Variants in PTPN3 observed in about 807,000 individuals in gnomAD.
PTPN3 encodes protein tyrosine phosphatase non-receptor type 3.
Under a neutral mutation model 132.7 loss-of-function variants are expected in PTPN3, and 96 were observed. That is an observed-to-expected ratio of 0.72 (90% CI 0.61 to 0.86). PTPN3 has a LOEUF of 0.86. Among genes scored for constraint, PTPN3 ranks in the 40% least tolerant of loss-of-function variants. PTPN3 has a pLI of 0.00. For synonymous variants in PTPN3, 398 were observed against 429.0 expected (o/e 0.93, Z 0.89); for missense variants, 1,125 against 1,159.6 (o/e 0.97, Z 0.43).
At chr9:109,446,209 C>T (rs1409697949) in intron 6 of PTPN3, among the ~76,000 whole-genome samples, 2 of 152,194 alleles carry the variant, frequency 1.3e-5, no homozygotes, top group East Asian at 3.8e-4. Flanking sequence ...TTAACAGCAA[C>T]ACTGGGAGCC....
intron 19 of PTPN3, among the ~76,000 whole-genome samples, chr9:109,401,640 C>T (rs2131700458): frequency 6.6e-6 from 1 of 152,310 alleles, no homozygotes; most frequent in Non-Finnish European, 1.5e-5. Context: ...CACAGCGCCT[C>T]CTTGTGGACT....
chr9:109,535,285 A>C, the PTPN3 span, among the ~76,000 whole-genome samples: 5 of 152,168 alleles, frequency 3.3e-5, no homozygotes, highest in East Asian at 9.6e-4. Flanking sequence ...GGCAGACTCC[A>C]CATATCGTTT....
chr9:109,455,552 G>A (rs182337022), intron 4 of PTPN3, among the ~76,000 whole-genome samples: 3 of 152,294 alleles, frequency 2.0e-5, no homozygotes, highest in Admixed American at 1.3e-4. Context: ...CCTAACGGGG[G>A]TGTGCCCCTG....
intron 9 of PTPN3, among the ~76,000 whole-genome samples, chr9:109,436,388 G>A (rs1310808719): frequency 1.3e-5 from 2 of 152,150 alleles, no homozygotes; most frequent in Admixed American, 1.3e-4. Flanking sequence ...GAAATTGCTT[G>A]ACAGATGACA....
At chr9:109,381,534 C>G in intron 25 of PTPN3, 118 bp downstream of exon 25, 4 of 1,416,820 alleles carry the variant, frequency 2.8e-6, no homozygotes, top group South Asian at 2.6e-5. Flanking sequence ...TGACCTTGGG[C>G]AAGTGATTCA....
At chr9:109,461,019 A>G (rs1368811491) in intron 2 of PTPN3, among the ~76,000 whole-genome samples, 1 of 152,236 alleles carries the variant, frequency 6.6e-6, no homozygotes, top group Non-Finnish European at 1.5e-5. Context: ...CACACATTTT[A>G]ACAAAGAAGC....
chr9:109,500,302 C>T (rs1847847384), upstream of PTPN3, among the ~76,000 whole-genome samples: 2 of 152,202 alleles, frequency 1.3e-5, no homozygotes, highest in African/African-American at 4.8e-5. Flanking sequence ...TTGTCTTAAT[C>T]TGCTGACCCC....
At chr9:109,411,194 T>C (rs768286368) in intron 14 of PTPN3, among the ~76,000 whole-genome samples, 1 of 152,138 alleles carries the variant, frequency 6.6e-6, no homozygotes, top group Non-Finnish European at 1.5e-5. Context: ...CTTAGAGAGT[T>C]ACAGATGATG....
rs767466919 is a variant in PTPN3 at position 109,381,718 on chromosome 9, C to A, written c.2598G>T (p.Leu866=). 4 of 1,614,030 alleles carry A rather than the reference C, an allele frequency of 2.5e-6. No individual in the cohort carries two copies. Among genetic ancestry groups the A allele is most frequent in the Non-Finnish European group, 3.4e-6 (4 of 1,179,964 alleles). The part of the protein sequence containing the change: ...ETAMCLTERN[L]PIYPLDIVRK... The stretch of plus-strand genomic sequence containing the variant: ...GGACAATATCCAGTGGGTAAATGGG[C>A]AGGTTCCTCTCAGTTAGGCACATGG... Residue 866 remains leucine, a synonymous_variant, in exon 25 of 26, where the codon CTG becomes CTT. Coordinates refer to ENST00000374541, the MANE Select transcript of PTPN3 (RefSeq NM_002829.4).
intron 23 of PTPN3, 137 bp from the exon 24 acceptor site, chr9:109,382,584 T>G: frequency 7.5e-6 from 7 of 937,690 alleles, no homozygotes; most frequent in Non-Finnish European, 9.6e-6. Context: ...CCCCTAGCAA[T>G]TCCTCCCCTC....
Position 109,428,986 on chromosome 9 carries a change from G to A in PTPN3, c.765-302C>T, listed in dbSNP as rs549559500. On this transcript the variant is annotated intron_variant, in intron 10 of 25. Transcript: ENST00000374541. ...TGCTTTTGTGGCACTGCAGCTCTGC[G>A]TGAGCTGGTATATACATGGGGAAGA... is the stretch of plus-strand genomic sequence containing the variant. 3.3e-5 allele frequency: 33 copies of A among 985,436 alleles called. No individual in the cohort carries two copies. In the East Asian group the frequency reaches 4.5e-4, roughly 14 times the overall value. 61.0% of individuals were successfully genotyped at this position (985,436 alleles called of 1,614,324 possible).
intron 7 of PTPN3, among the ~76,000 whole-genome samples, chr9:109,440,667 G>A (rs1844396347): frequency 6.6e-6 from 1 of 152,184 alleles, no homozygotes; most frequent in African/African-American, 2.4e-5. Context: ...CCTTTACTCT[G>A]TTGGTTTCAT....
chr9:109,462,106 G>A (rs569430008), intron 2 of PTPN3, among the ~76,000 whole-genome samples: 2 of 152,322 alleles, frequency 1.3e-5, no homozygotes, highest in South Asian at 2.1e-4. Context: ...GTGGAAGAGT[G>A]GGGCAGAAGG....
chr9:109,413,514 G>A (rs1003155670), intron 14 of PTPN3, among the ~76,000 whole-genome samples: 1 of 152,202 alleles, frequency 6.6e-6, no homozygotes. Context: ...CTCTGTCGCT[G>A]GGCAGAATGC....
chr9:109,436,795 G>T (rs181925445), intron 9 of PTPN3, 88 bp downstream of exon 9: 154 of 1,492,458 alleles, frequency 1.0e-4, no homozygotes, highest in Non-Finnish European at 1.2e-4. Flanking sequence ...TAATGAAAAA[G>T]AAATAGTTTC....
chr9:109,533,352 G>C, the PTPN3 span: 3 of 556,644 alleles, frequency 5.4e-6, no homozygotes, highest in Non-Finnish European at 9.6e-6. Flanking sequence ...CACCTTGTTA[G>C]CCAGGATGGT....
chr9:109,379,389 C>T lies in PTPN3; in HGVS notation c.*167G>A. ...AATTGCATGCTTATCTACACCAGTT[C>T]CTATGTACACGATATCTTTTCTATA... On this transcript the variant is annotated 3_prime_UTR_variant, in exon 26 of 26. Coordinates refer to ENST00000374541, the MANE Select transcript of PTPN3 (RefSeq NM_002829.4). 1 of 613,448 alleles carries T rather than the reference C, an allele frequency of 1.6e-6. No homozygotes were observed. The highest frequency in any genetic ancestry group is 2.9e-6 in the Non-Finnish European group (1 of 346,024). The allele number at this position is 613,448 out of a possible 1,614,324, so 38.0% of individuals were successfully genotyped here. A position where few individuals can be genotyped will look rare whatever the true frequency, so the allele number is the denominator to read the frequency against.
chr9:109,396,191 C>T (rs527287860), intron 19 of PTPN3, among the ~76,000 whole-genome samples: 1 of 152,268 alleles, frequency 6.6e-6, no homozygotes, highest in South Asian at 2.1e-4. Context: ...CGACTCTTCT[C>T]CAGGCCCTGT....
At chr9:109,403,419 A>G (rs1050576942) in intron 19 of PTPN3, among the ~76,000 whole-genome samples, 1 of 152,094 alleles carries the variant, frequency 6.6e-6, no homozygotes, top group Non-Finnish European at 1.5e-5. Context: ...TCTCTTCCTG[A>G]ATTTATGAAC....
Sources: gnomAD v4.1 joint callset for allele counts (sites outside exome capture counted in the v4.1 genomes callset) on GRCh38, gnomAD v4.1.1 for gene constraint, MANE v1.5 for transcripts, NCBI Gene and HGNC (gene_info 2026-07-23, HGNC 2026-07-21) for gene names.